BLOC1S3: variants seen among roughly 807,000 people sequenced by gnomAD.
BLOC1S3 encodes the protein biogenesis of lysosome-related organelles complex 1 subunit 3.
Under a neutral mutation model 9.1 loss-of-function variants are expected in BLOC1S3, and 7 were observed. The observed-to-expected ratio is 0.77, with a 90% CI of 0.44 to 1.45. The LOEUF (loss-of-function observed/expected upper bound fraction) is 1.45. BLOC1S3 is among the 40% of genes most tolerant of loss of function. The probability of loss-of-function intolerance (pLI) is 0.01; values close to 1 mark genes in which losing one functional copy is unlikely to be tolerated. For synonymous variants in BLOC1S3, 145 were observed against 158.4 expected, an observed-to-expected ratio of 0.92 and a Z score of 0.64; for missense variants, 307 against 315.2, an observed-to-expected ratio of 0.97 and a Z score of 0.20.
chr19:45,205,720 G>A (rs1969721154), intron 3 of BLOC1S3, among the ~76,000 whole-genome samples: 2 of 152,218 alleles, frequency 1.3e-5, no homozygotes, highest in Non-Finnish European at 2.9e-5. Context: ...AACAGTGGGA[G>A]AAAATATTTG....
intron 2 of BLOC1S3, among the ~76,000 whole-genome samples, chr19:45,192,410 AC>A (rs540648067): frequency 6.6e-6 from 1 of 151,318 alleles, no homozygotes; most frequent in South Asian, 2.1e-4. Context: ...TTGGTGCTCT[AC>A]TCCACTGTGG....
chr19:45,191,956 G>A (rs1011310508), intron 2 of BLOC1S3, among the ~76,000 whole-genome samples: 4 of 152,172 alleles, frequency 2.6e-5, no homozygotes, highest in African/African-American at 9.7e-5. Context: ...GAAGGCCCTA[G>A]GGCTCTGTGA....
intron 2 of BLOC1S3, among the ~76,000 whole-genome samples, chr19:45,191,262 A>G (rs1969605689): frequency 6.6e-6 from 1 of 151,954 alleles, no homozygotes; most frequent in Non-Finnish European, 1.5e-5. Flanking sequence ...AGCTGGGATT[A>G]CAGGCATGCA....
At chr19:45,203,628 A>G (rs562749203) in intron 3 of BLOC1S3, among the ~76,000 whole-genome samples, 188 of 152,154 alleles carry the variant, frequency 1.2e-3, no homozygotes, top group Non-Finnish European at 2.0e-3. Flanking sequence ...GCATGCCAGA[A>G]CTCAGGTTCT....
chr19:45,209,053 T>G (rs546088980), intron 3 of BLOC1S3, among the ~76,000 whole-genome samples: 31 of 151,926 alleles, frequency 2.0e-4, no homozygotes, highest in Non-Finnish European at 3.2e-4. Context: ...TTGTTTTTTT[T>G]TTGTTGTTTG....
exon 4 of BLOC1S3, chr19:45,216,843 A>T (rs1969840527): frequency 6.6e-6 from 1 of 152,190 alleles, no homozygotes; most frequent in Non-Finnish European, 1.5e-5. Flanking sequence ...TTTCCAAAGA[A>T]AACATTCCAA....
rs748273383 is a variant in BLOC1S3, at chr19:45,179,849, G to T, written c.553G>T (p.Asp185Tyr). The stretch of plus-strand genomic sequence containing the variant: ...CGTGGCTGGCTGCCGCCTGCTGCCG[G>T]ACATCCGCGGCGTGCCAGGGACCGA... ...DIVAGCRLLP[D>Y]IRGVPGTEPE... Residue 185 changes from aspartate (D) to tyrosine (Y), a missense_variant, in exon 2 of 2, where the codon GAC (aspartate) becomes TAC (tyrosine). Physicochemically the swap from Asp to Tyr is radical, Grantham distance 160. Transcript: ENST00000433642. This position sits in a 1 kb window ranked among gnomAD's most constrained non-coding sequence, Gnocchi z 4.6. The T allele has an allele frequency of 3.1e-6, 5 of 1,609,260 alleles. No homozygotes were observed. In the South Asian group the frequency reaches 5.5e-5, roughly 18 times the overall value.
intron 2 of BLOC1S3, among the ~76,000 whole-genome samples, chr19:45,197,399 A>C (rs8113128): frequency 0.089 from 13,395 of 149,898 alleles, 810 homozygotes; most frequent in Middle Eastern, 0.19. Flanking sequence ...AGGCATGAGA[A>C]TCACTTGAAC....
At chr19:45,209,421 G>A (rs73566293) in intron 3 of BLOC1S3, among the ~76,000 whole-genome samples, 5,811 of 151,468 alleles carry the variant, frequency 0.038, 199 homozygotes, top group African/African-American at 0.094. Flanking sequence ...TTATTTTATT[G>A]TTATTATTGT....
downstream of BLOC1S3, among the ~76,000 whole-genome samples, chr19:45,186,285 T>C (rs1031221925): frequency 1.3e-5 from 2 of 152,210 alleles, no homozygotes; most frequent in African/African-American, 4.8e-5. Flanking sequence ...ACTTGAATTA[T>C]TGGACTTCTG....
In BLOC1S3 at chr19:45,207,314, G is replaced by A. The variant is rs189717141; in HGVS notation, n.282+4807G>A. Among the ~76,000 whole-genome samples the A allele has an allele frequency of 3.3e-3, 489 of 147,498 alleles. 1 individual carries two copies. Among genetic ancestry groups the A allele is most frequent in the Non-Finnish European group, 4.9e-3 (326 of 66,626 alleles). ...AGCCCGACTAATTTTTGTATTTTTA[G>A]TAGAGATGGGGTTTCGCCATGTTGG... On this transcript the variant is annotated intron_variant and non_coding_transcript_variant, in intron 3 of 3. Coordinates refer to the BLOC1S3 transcript ENST00000591569.
intron 2 of BLOC1S3, among the ~76,000 whole-genome samples, chr19:45,201,781 G>T (rs1248470869): frequency 1.4e-5 from 2 of 142,784 alleles, no homozygotes; most frequent in Non-Finnish European, 3.2e-5. Flanking sequence ...ATGTTATAGG[G>T]GGTACCCAGT....
chr19:45,184,816 C>T (rs1212735716), downstream of BLOC1S3, among the ~76,000 whole-genome samples: 3 of 141,434 alleles, frequency 2.1e-5, no homozygotes, highest in Non-Finnish European at 3.0e-5. Flanking sequence ...AGGAGAATGG[C>T]GTGAACCCGG....
In BLOC1S3 at chr19:45,180,235, A is replaced by ATT. The variant is rs34965337; in HGVS notation, c.*353_*354dup. ...CTGTTTCCACCCTGGGGGCTCACCAATTTTTTTTTTTTTTTTTTTTTTTTG... is the reference window on the plus strand; with the variant it reads ...CTGTTTCCACCCTGGGGGCTCACCAATTTTTTTTTTTTTTTTTTTTTTTTTTG... On this transcript the variant is annotated 3_prime_UTR_variant, in exon 2 of 2. Coordinates refer to ENST00000433642, the MANE Select transcript of BLOC1S3 (RefSeq NM_212550.5). 907 of 90,404 alleles carry ATT rather than the reference A, an allele frequency of 0.01. 13 individuals carry two copies. The highest frequency in any genetic ancestry group is 0.025 in the African/African-American group (453 of 17,856). 5.6% of individuals were successfully genotyped at this position (90,404 alleles called of 1,614,324 possible). A position where few individuals can be genotyped will look rare whatever the true frequency, so the allele number is the denominator to read the frequency against.
At chr19:45,200,714 G>C (rs1287699848) in intron 2 of BLOC1S3, among the ~76,000 whole-genome samples, 1 of 152,156 alleles carries the variant, frequency 6.6e-6, no homozygotes, top group African/African-American at 2.4e-5. Flanking sequence ...AATGCTTGTG[G>C]ATGTTCGTCA....
intron 2 of BLOC1S3, among the ~76,000 whole-genome samples, chr19:45,195,552 T>C: frequency 7.2e-6 from 1 of 139,138 alleles, no homozygotes; most frequent in African/African-American, 2.6e-5. Context: ...TTCTCCTCCC[T>C]CCCTCCTTCC....
At chr19:45,208,748 T>C (rs1237585174) in intron 3 of BLOC1S3, among the ~76,000 whole-genome samples, 1 of 143,970 alleles carries the variant, frequency 6.9e-6, no homozygotes, top group Non-Finnish European at 1.5e-5. Flanking sequence ...AGAGTGAAAC[T>C]ATCTCAGAAA....
intron 3 of BLOC1S3, among the ~76,000 whole-genome samples, chr19:45,212,460 G>T (rs1040236161): frequency 6.6e-6 from 1 of 152,102 alleles, no homozygotes; most frequent in Non-Finnish European, 1.5e-5. Context: ...GGAAAGGGGC[G>T]GGGGAGCTGG....
chr19:45,213,400 C>A (rs754644497), intron 3 of BLOC1S3: 1 of 1,603,926 alleles, frequency 6.2e-7, no homozygotes, highest in East Asian at 2.2e-5. Context: ...ATCCCCAGCT[C>A]TAGACACACA....
Sources: allele counts gnomAD v4.1 joint callset (sites outside exome capture counted in the v4.1 genomes callset), GRCh38; gene constraint gnomAD v4.1.1; non-coding constraint Gnocchi (gnomAD v3.1); transcripts MANE v1.5; gene names NCBI Gene and HGNC (gene_info 2026-07-23, HGNC 2026-07-21).